Variants in SGCZ observed in about 807,000 individuals in gnomAD.
SGCZ encodes sarcoglycan zeta, also known as zeta-sarcoglycan.
In SGCZ, 40 loss-of-function variants were observed where a neutral mutation model predicts 41.3. That is an observed-to-expected ratio of 0.97 (90% CI 0.75 to 1.26). SGCZ has a LOEUF of 1.26. Ranked by LOEUF, SGCZ falls within the 50% of genes most tolerant of loss-of-function variation. SGCZ has a pLI of 0.00. For missense variants in SGCZ, 552 were observed against 369.8 expected (o/e 1.49, Z -4.04); for synonymous variants, 206 against 137.5 (o/e 1.50, Z -3.49).
At chr8:14,360,511 A>T (rs1391659599) in intron 2 of SGCZ, among the ~76,000 whole-genome samples, 1 of 152,012 alleles carries the variant, frequency 6.6e-6, no homozygotes. Context: ...TTTTTAGTAG[A>T]GTCAGGGTTT....
At chr8:14,948,789 G>A (rs1215618883) in intron 1 of SGCZ, among the ~76,000 whole-genome samples, 1 of 151,984 alleles carries the variant, frequency 6.6e-6, no homozygotes, top group Non-Finnish European at 1.5e-5. Flanking sequence ...GACACTGCTG[G>A]TTTTTGTTTG....
chr8:14,946,998 G>A (rs1009209954), intron 1 of SGCZ, among the ~76,000 whole-genome samples: 8 of 151,950 alleles, frequency 5.3e-5, no homozygotes, highest in African/African-American at 1.9e-4. Context: ...GTTAGGGTTT[G>A]AAACATAAAA....
At chr8:15,020,458 C>CAT (rs894790623) in intron 1 of SGCZ, among the ~76,000 whole-genome samples, 2 of 151,944 alleles carry the variant, frequency 1.3e-5, no homozygotes, top group African/African-American at 4.8e-5. Flanking sequence ...GACATGGGTG[C>CAT]ATATATATAT....
Position 14,346,860 on chromosome 8 carries a change from A to G in SGCZ, c.235-22656T>C, listed in dbSNP as rs140924389. ...TATTTTTATTTTAAACTAAGAATAA[A>G]GTTTAGGGCGTTTCCTTTTTTTCTT... is the stretch of plus-strand genomic sequence containing the variant. On this transcript the variant is annotated intron_variant, in intron 2 of 7. Coordinates refer to ENST00000382080, the MANE Select transcript of SGCZ (RefSeq NM_139167.4). Among the ~76,000 whole-genome samples, 12 of 152,186 alleles carry G rather than the reference A, an allele frequency of 7.9e-5. No homozygotes were observed. The East Asian group carries it at 2.1e-3, about 27-fold the overall frequency.
chr8:14,733,605 G>A (rs1255849271), intron 1 of SGCZ, among the ~76,000 whole-genome samples: 1 of 152,018 alleles, frequency 6.6e-6, no homozygotes, highest in Admixed American at 6.5e-5. Context: ...TTCTTGTTTT[G>A]TGAGATTTTA....
intron 2 of SGCZ, among the ~76,000 whole-genome samples, chr8:14,392,482 T>C (rs942897706): frequency 6.6e-6 from 1 of 152,144 alleles, no homozygotes; most frequent in Admixed American, 6.6e-5. Context: ...AAATACGGTA[T>C]TTGCTGATGT....
chr8:14,474,451 A>C (rs936981276), intron 2 of SGCZ, among the ~76,000 whole-genome samples: 2 of 152,218 alleles, frequency 1.3e-5, no homozygotes, highest in Non-Finnish European at 2.9e-5. Flanking sequence ...GCTAAAAATT[A>C]GTTCTTAAAC....
At chr8:14,635,654 C>T (rs554839345) in intron 1 of SGCZ, among the ~76,000 whole-genome samples, 1 of 151,378 alleles carries the variant, frequency 6.6e-6, no homozygotes, top group South Asian at 2.1e-4. Flanking sequence ...TCAGTTTGTC[C>T]AACATATTCA....
intron 1 of SGCZ, among the ~76,000 whole-genome samples, chr8:14,702,735 A>T (rs967360490): frequency 7.5e-5 from 5 of 66,426 alleles, no homozygotes; most frequent in Admixed American, 2.1e-4. Flanking sequence ...CTTCAATGAT[A>T]GATAGATAGA....
chr8:14,623,370 C>T (rs1046657181), intron 1 of SGCZ, among the ~76,000 whole-genome samples: 1 of 152,184 alleles, frequency 6.6e-6, no homozygotes, highest in African/African-American at 2.4e-5. Flanking sequence ...AGGAACATCT[C>T]TTTGCGTGAA....
chr8:14,206,941 T>C (rs919767092), intron 4 of SGCZ, among the ~76,000 whole-genome samples: 1 of 152,146 alleles, frequency 6.6e-6, no homozygotes, highest in Admixed American at 6.6e-5. Context: ...GCAAGCACAA[T>C]GTCTAGAATG....
At chr8:14,620,765 C>T (rs556508501) in intron 1 of SGCZ, among the ~76,000 whole-genome samples, 1,765 of 152,122 alleles carry the variant, frequency 0.012, 19 homozygotes, top group Non-Finnish European at 0.019. Flanking sequence ...GTTAGAACGG[C>T]GATCATTAAA....
At chr8:14,146,160 T>C (rs768495071) in intron 5 of SGCZ, among the ~76,000 whole-genome samples, 6 of 151,994 alleles carry the variant, frequency 3.9e-5, no homozygotes, top group East Asian at 1.9e-4. Flanking sequence ...TATCAAACTC[T>C]CAAAAGTCAA....
At chr8:14,484,288 T>G (rs547117431) in intron 2 of SGCZ, among the ~76,000 whole-genome samples, 4 of 152,144 alleles carry the variant, frequency 2.6e-5, no homozygotes, top group African/African-American at 9.7e-5. Flanking sequence ...TAAACTTTCA[T>G]GAATATATCA....
At chr8:14,966,581 A>C (rs931039098) in intron 1 of SGCZ, among the ~76,000 whole-genome samples, 7 of 152,134 alleles carry the variant, frequency 4.6e-5, no homozygotes, top group Non-Finnish European at 8.8e-5. Flanking sequence ...GCCTAATTTT[A>C]CTAATGCCAT....
intron 1 of SGCZ, among the ~76,000 whole-genome samples, chr8:14,614,659 T>C (rs1030664968): frequency 1.3e-5 from 2 of 152,048 alleles, no homozygotes; most frequent in Non-Finnish European, 1.5e-5. Context: ...CAGTTCATAG[T>C]TGGAGTTAGA....
At chr8:14,557,281 T>A (rs556381683) in intron 1 of SGCZ, among the ~76,000 whole-genome samples, 1 of 151,416 alleles carries the variant, frequency 6.6e-6, no homozygotes, top group African/African-American at 2.4e-5. Context: ...TGATGGGGAT[T>A]TTTTTTTTGC....
At chr8:14,631,605 T>C (rs900462507) in intron 1 of SGCZ, among the ~76,000 whole-genome samples, 1 of 152,124 alleles carries the variant, frequency 6.6e-6, no homozygotes, top group East Asian at 1.9e-4. Context: ...ACTTCTGATA[T>C]CTAATAAGTA....
At chr8:14,223,496 C>T (rs1806272541) in intron 4 of SGCZ, among the ~76,000 whole-genome samples, 1 of 152,022 alleles carries the variant, frequency 6.6e-6, no homozygotes, top group Non-Finnish European at 1.5e-5. Context: ...CAATTTACTA[C>T]TCATTTTTAT....
Sources: gnomAD v4.1 joint callset for allele counts (sites outside exome capture counted in the v4.1 genomes callset) on GRCh38, gnomAD v4.1.1 for gene constraint, MANE v1.5 for transcripts, NCBI Gene and HGNC (gene_info 2026-07-23, HGNC 2026-07-21) for gene names.